The following SPTAN1 variants were observed in gnomAD, a reference collection of about 807,000 sequenced individuals.
SPTAN1 encodes spectrin alpha, non-erythrocytic 1.
A neutral mutation model predicts 331.3 loss-of-function variants in SPTAN1; 61 were observed. That is an observed-to-expected ratio of 0.18 (90% CI 0.15 to 0.23). The LOEUF (loss-of-function observed/expected upper bound fraction) is 0.23. Ranked by LOEUF, SPTAN1 falls within the 10% of genes least tolerant of loss-of-function variation. The pLI is 1.00. For missense variants in SPTAN1, 2,043 were observed against 3,147.9 expected (o/e 0.65, Z 8.40); for synonymous variants, 1,153 against 1,173.9 (o/e 0.98, Z 0.36).
chr9:128,593,898 G>T (rs531323333), intron 23 of SPTAN1: 12 of 450,762 alleles, frequency 2.7e-5, no homozygotes, highest in Middle Eastern at 6.6e-4. Context: ...CCTTGTGGTT[G>T]TGTTGTTCTA....
In SPTAN1 at chr9:128,579,712, T is replaced by G. The variant is rs1268304630; in HGVS notation, c.1297T>G (p.Tyr433Asp). 1.9e-6 allele frequency: 3 copies of G among 1,614,134 alleles called. No homozygotes were observed. In the South Asian group the frequency reaches 3.3e-5, roughly 18 times the overall value. The change falls in exon 10 of 57, where the codon TAT (tyrosine) becomes GAT (aspartate). Residue 433 changes from tyrosine (Y) to aspartate (D), a missense_variant. Physicochemically the swap from Tyr to Asp is radical, Grantham distance 160 (BLOSUM62 -3). This residue lies in a region of SPTAN1 where 1,038 missense variants were observed against 1,531.5 expected (regional missense o/e 0.68). Coordinates refer to ENST00000372739, the MANE Select transcript of SPTAN1 (RefSeq NM_001130438.3). ...SGQALLAAGH[Y>D]ASDEVREKLT... ...ACAGGCACTGCTTGCTGCTGGTCAC[T>G]ATGCCTCAGATGAAGTGAGGGAGAA...
chr9:128,607,742 G>A, intron 32 of SPTAN1, 39 bp downstream of exon 32: 2 of 1,609,908 alleles, frequency 1.2e-6, no homozygotes, highest in Non-Finnish European at 1.7e-6. Context: ...AGACGTGGCT[G>A]CTCTGCAGGG....
At chr9:128,558,988 G>A (rs771900336) in intron 1 of SPTAN1, among the ~76,000 whole-genome samples, 32 of 152,148 alleles carry the variant, frequency 2.1e-4, no homozygotes, top group Non-Finnish European at 4.3e-4. Context: ...AGGTTAAGAG[G>A]GGGGAAACTC....
intron 10 of SPTAN1, 69 bp from the exon 11 acceptor site, chr9:128,580,853 C>G: frequency 6.2e-7 from 1 of 1,605,050 alleles, no homozygotes; most frequent in Non-Finnish European, 8.5e-7. Flanking sequence ...TCCAGGATAG[C>G]TGTTCTGTCT....
intron 1 of SPTAN1, among the ~76,000 whole-genome samples, chr9:128,560,541 C>T (rs1849197243): frequency 6.6e-6 from 1 of 152,010 alleles, no homozygotes; most frequent in South Asian, 2.1e-4. Context: ...CCACCACACC[C>T]AGCTAATTTT....
chr9:128,624,547 G>C (rs1219646125), intron 46 of SPTAN1, 60 bp downstream of exon 46: 1 of 1,588,162 alleles, frequency 6.3e-7, no homozygotes, highest in East Asian at 2.3e-5. Flanking sequence ...GTCTCCTTCC[G>C]TGTCATTGGT....
rs770663882 is a variant in SPTAN1, at chr9:128,593,005, G to A, written c.3178G>A (p.Gly1060Ser). The A allele has an allele frequency of 6.8e-6, 11 of 1,609,778 alleles. No homozygotes were observed. The highest frequency in any genetic ancestry group is 4.5e-5 in the East Asian group (2 of 44,834). ...DNQTRITKEA[G>S]SVSLRMKQVE... is the part of the protein sequence containing the mutation. Reference sequence around the variant, plus strand: ...CAGGACACGCATAACTAAGGAGGCCGGCAGTGTATCTCTGCGTATGAAGCA... The same window carrying A: ...CAGGACACGCATAACTAAGGAGGCCAGCAGTGTATCTCTGCGTATGAAGCA... The change falls in exon 23 of 57, where the codon GGC (glycine) becomes AGC (serine). Residue 1060 changes from glycine (G) to serine (S), a missense_variant. This residue lies in a region of SPTAN1 where 1,038 missense variants were observed against 1,531.5 expected (regional missense o/e 0.68). Coordinates refer to ENST00000372739, the MANE Select transcript of SPTAN1 (RefSeq NM_001130438.3).
chr9:128,615,483 G>A, intron 40 of SPTAN1, 149 bp from the exon 41 acceptor site: 2 of 774,190 alleles, frequency 2.6e-6, no homozygotes. Flanking sequence ...TATGAAAATA[G>A]TGTGAGTTGA....
chr9:128,609,065 C>A (rs1422024518), intron 35 of SPTAN1, 57 bp from the exon 36 acceptor site: 2 of 1,614,030 alleles, frequency 1.2e-6, no homozygotes, highest in Non-Finnish European at 1.7e-6. Context: ...TGTCTCCCCA[C>A]TTCCTTCTCC....
At chr9:128,624,912 C>A in intron 46 of SPTAN1, 191 bp from the exon 47 acceptor site, 1 of 656,098 alleles carries the variant, frequency 1.5e-6, no homozygotes, top group South Asian at 1.7e-5. Context: ...CTGCAGGGAG[C>A]TCGTCATGGC....
At position 128,566,850 on chromosome 9, in the gene SPTAN1, G is replaced by A. The variant is rs1325381089; in HGVS notation, c.110G>A (p.Arg37His). Residue 37 changes from arginine to histidine, a missense_variant, in exon 2 of 57, where the codon CGT (arginine) becomes CAT (histidine). Arg to His is a conservative substitution (Grantham distance 29, BLOSUM62 0). Transcript: ENST00000372739. Reference protein sequence around the residue: ...HRFKELSTLRRQKLEDSYRFQ... With the variant: ...HRFKELSTLRHQKLEDSYRFQ... ...TTCAAGGAACTCTCAACCCTTAGGC[G>A]TCAGAAGCTGGAAGATTCCTATCGA... The A allele has an allele frequency of 3.1e-6, 5 of 1,614,202 alleles. No individual in the cohort carries two copies. The highest frequency in any genetic ancestry group is 1.3e-5 in the African/African-American group (1 of 75,062).
intron 10 of SPTAN1, among the ~76,000 whole-genome samples, chr9:128,580,293 A>T (rs1461852820): frequency 6.6e-6 from 1 of 151,134 alleles, no homozygotes; most frequent in Non-Finnish European, 1.5e-5. Context: ...AAAAAAAATA[A>T]ATAAATAAAA....
At chr9:128,624,836 C>A (rs1442775568) in intron 46 of SPTAN1, 3 of 577,136 alleles carry the variant, frequency 5.2e-6, no homozygotes, top group Non-Finnish European at 9.3e-6. Context: ...TGAGGGAAAA[C>A]TGGGTCCGGA....
intron 4 of SPTAN1, 24 bp from the exon 5 acceptor site, chr9:128,575,175 G>A: frequency 3.1e-6 from 5 of 1,614,100 alleles, no homozygotes; most frequent in Non-Finnish European, 4.2e-6. Flanking sequence ...TGGTGACTCT[G>A]GCTCTCTTAT....
chr9:128,593,170 G>A (rs922613168), intron 23 of SPTAN1, 128 bp downstream of exon 23: 33 of 1,019,262 alleles, frequency 3.2e-5, no homozygotes, highest in African/African-American at 6.4e-5. Flanking sequence ...CTGCCTGTCC[G>A]TGCAGCAGCT....
Position 128,570,806 on chromosome 9 carries a change from G to A in SPTAN1, c.363+1909G>A, listed in dbSNP as rs552085576. On this transcript the variant is annotated intron_variant, in intron 3 of 56. Transcript: ENST00000372739. Reference sequence around the variant, plus strand: ...CGAGTAGCTAGGATTACAGGCATGCGCTGTGCCACCACAGCCAGCTAATTT... The same window carrying A: ...CGAGTAGCTAGGATTACAGGCATGCACTGTGCCACCACAGCCAGCTAATTT... 3.3e-5 allele frequency among the ~76,000 whole-genome samples: 5 copies of A among 152,066 alleles called. No individual in the cohort carries two copies. In the South Asian group the frequency reaches 1.0e-3, roughly 32 times the overall value.
In SPTAN1 at chr9:128,633,612, C is replaced by T. The variant is rs1860197365; in HGVS notation, c.*278C>T. 8 of 1,213,870 alleles carry T rather than the reference C, an allele frequency of 6.6e-6. No homozygotes were observed. The highest frequency in any genetic ancestry group is 9.3e-6 in the Non-Finnish European group (8 of 863,744). 75.2% of individuals were successfully genotyped at this position (1,213,870 alleles called of 1,614,324 possible). A position where few individuals can be genotyped will look rare whatever the true frequency, so the allele number is the denominator to read the frequency against. On this transcript the variant is annotated 3_prime_UTR_variant, in exon 57 of 57. Coordinates refer to ENST00000372739, the MANE Select transcript of SPTAN1 (RefSeq NM_001130438.3). ...TCCCCTTGTTCTCTCTCCCACCCTCCCCCAAATCTGTTTTCATGTAAAAGA... is the reference window on the plus strand; with the variant it reads ...TCCCCTTGTTCTCTCTCCCACCCTCTCCCAAATCTGTTTTCATGTAAAAGA...
intron 3 of SPTAN1, among the ~76,000 whole-genome samples, chr9:128,569,189 G>T (rs1168015682): frequency 6.6e-6 from 1 of 152,206 alleles, no homozygotes; most frequent in African/African-American, 2.4e-5. Flanking sequence ...CAGTGAGATG[G>T]CAGAGCATAT....
rs1321091486 is a variant in SPTAN1, at chr9:128,552,637, C to G, written c.-63C>G. ...GTGTGGAGCGGAGGCCGCGGAGGCTCCTCGGTCCTTCAGCACCCCTCGGCC... is the reference window on the plus strand; with the variant it reads ...GTGTGGAGCGGAGGCCGCGGAGGCTGCTCGGTCCTTCAGCACCCCTCGGCC... On this transcript the variant is annotated 5_prime_UTR_variant, in exon 1 of 57. Coordinates refer to ENST00000372739, the MANE Select transcript of SPTAN1 (RefSeq NM_001130438.3). This position sits in a 1 kb window ranked among gnomAD's most constrained non-coding sequence, Gnocchi z 4.6. The G allele has an allele frequency of 6.6e-6, 1 of 151,518 alleles. No individual in the cohort carries two copies. The highest frequency in any genetic ancestry group is 2.4e-5 in the African/African-American group (1 of 41,332). 9.4% of individuals were successfully genotyped at this position (151,518 alleles called of 1,614,324 possible). A position where few individuals can be genotyped will look rare whatever the true frequency, so the allele number is the denominator to read the frequency against.
Sources: gnomAD v4.1 joint callset for allele counts (sites outside exome capture counted in the v4.1 genomes callset) on GRCh38, gnomAD v4.1.1 for gene constraint, gnomAD v4.1.1 regional missense constraint, Gnocchi (gnomAD v3.1) non-coding constraint, MANE v1.5 for transcripts, NCBI Gene and HGNC (gene_info 2026-07-23, HGNC 2026-07-21) for gene names.